The following ATP6V1B1 variants were observed in gnomAD, a reference collection of about 807,000 sequenced individuals.
ATP6V1B1 encodes V-type proton ATPase subunit B, kidney isoform.
A neutral mutation model predicts 62.1 loss-of-function variants in ATP6V1B1; 41 were observed. The observed-to-expected ratio is 0.66, with a 90% CI of 0.51 to 0.86. The LOEUF is 0.86. ATP6V1B1 is among the 40% of genes least tolerant of loss of function. ATP6V1B1 has a pLI of 0.00. For missense variants in ATP6V1B1, 651 were observed against 697.5 expected (o/e 0.93, Z 0.75); for synonymous variants, 253 against 273.4 (o/e 0.93, Z 0.74).
In ATP6V1B1 at chr2:70,961,586, G is replaced by C. The variant is rs1553420108; in HGVS notation, c.688-10G>C. 8.1e-6 allele frequency: 13 copies of C among 1,613,612 alleles called. No homozygotes were observed. Among genetic ancestry groups the C allele is most frequent in the Non-Finnish European group, 1.0e-5 (12 of 1,179,582 alleles). On this transcript the variant is annotated splice_polypyrimidine_tract_variant and intron_variant, in intron 7 of 13. Coordinates refer to ENST00000234396, the MANE Select transcript of ATP6V1B1 (RefSeq NM_001692.4). ...GGCCCTACCTCCAGCCCACCCTGCT[G>C]TGTATCCAGGTGAACATGGAGACAG...
At chr2:70,943,502 C>T in intron 1 of ATP6V1B1, 156 bp from the exon 2 acceptor site, 1 of 797,812 alleles carries the variant, frequency 1.3e-6, no homozygotes, top group East Asian at 2.7e-5. Context: ...ACCCTTACAG[C>T]AATGGTGGCT....
chr2:70,948,041 G>C (rs1022426489), intron 2 of ATP6V1B1, among the ~76,000 whole-genome samples: 1 of 152,080 alleles, frequency 6.6e-6, no homozygotes, highest in South Asian at 2.1e-4. Flanking sequence ...CTTCCTAAAG[G>C]TTCCAGACAC....
chr2:70,953,018 G>T (rs1680356750), intron 2 of ATP6V1B1, among the ~76,000 whole-genome samples: 1 of 152,138 alleles, frequency 6.6e-6, no homozygotes, highest in Non-Finnish European at 1.5e-5. Flanking sequence ...CTGTCACCCA[G>T]TGCAGTGGTG....
rs781913792 is a variant in ATP6V1B1 at position 70,959,906 on chromosome 2, C to T, written c.446-33C>T. 6.2e-7 allele frequency: 1 copy of T among 1,614,022 alleles called. No homozygotes were observed. Among genetic ancestry groups the T allele is most frequent in the Non-Finnish European group, 8.5e-7 (1 of 1,180,014 alleles). On this transcript the variant is annotated intron_variant, in intron 5 of 13. Coordinates refer to ENST00000234396, the MANE Select transcript of ATP6V1B1 (RefSeq NM_001692.4). This position sits in a 1 kb window ranked among gnomAD's most constrained non-coding sequence, Gnocchi z 4.2. ...AGGAGAGCAGGGAAGGGTTTGAACC[C>T]CTGAGCATGGCTCTGTGATCGCCCT...
intron 2 of ATP6V1B1, among the ~76,000 whole-genome samples, chr2:70,955,382 C>T (rs781953832): frequency 6.6e-6 from 1 of 152,136 alleles, no homozygotes; most frequent in Non-Finnish European, 1.5e-5. Context: ...AATTCAGTAG[C>T]TTTTAGTATA....
intron 2 of ATP6V1B1, among the ~76,000 whole-genome samples, chr2:70,945,821 G>C (rs1356838980): frequency 1.5e-4 from 22 of 148,054 alleles, no homozygotes; most frequent in Non-Finnish European, 3.0e-5. Context: ...TTTGTGCACA[G>C]ATTTTTCCCT....
chr2:70,956,413 G>A (rs1470072266), intron 2 of ATP6V1B1, among the ~76,000 whole-genome samples: 1 of 152,148 alleles, frequency 6.6e-6, no homozygotes, highest in Non-Finnish European at 1.5e-5. Flanking sequence ...AATGCTGAAT[G>A]ATATTCTATT....
At chr2:70,951,051 T>C (rs1391913667) in intron 2 of ATP6V1B1, among the ~76,000 whole-genome samples, 2 of 150,798 alleles carry the variant, frequency 1.3e-5, no homozygotes, top group African/African-American at 4.9e-5. Flanking sequence ...CAAGCGATTC[T>C]TCTGCCTCAG....
At chr2:70,942,425 G>T in intron 1 of ATP6V1B1, 1 of 398,680 alleles carries the variant, frequency 2.5e-6, no homozygotes, top group Non-Finnish European at 4.4e-6. Context: ...GATCTTCCTA[G>T]TCCAAGTCCT....
At chr2:70,948,893 C>T (rs1253433527) in intron 2 of ATP6V1B1, among the ~76,000 whole-genome samples, 2 of 152,158 alleles carry the variant, frequency 1.3e-5, no homozygotes, top group Admixed American at 1.3e-4. Context: ...CCTACTTGGT[C>T]ACACCTTGCT....
At chr2:70,944,306 A>C in intron 2 of ATP6V1B1, 1 of 1,079,014 alleles carries the variant, frequency 9.3e-7, no homozygotes, top group Non-Finnish European at 1.2e-6. Context: ...GCAGACACTG[A>C]CAGTATCTTG....
rs781969081 is a variant in ATP6V1B1 at position 70,964,442 on chromosome 2, AC to A, written c.1155del (p.Ile386SerfsTer10). The A allele has an allele frequency of 5.6e-6, 9 of 1,612,962 alleles. No homozygotes were observed. Among genetic ancestry groups the A allele is most frequent in the Admixed American group, 1.7e-5 (1 of 59,880 alleles). On this transcript the variant is annotated frameshift_variant, in exon 12 of 14. Transcript: ENST00000234396. LOFTEE classifies it high-confidence loss of function. The part of the protein sequence containing the change: ...VDRQLHNRQI[Y>X]PPINVLPSLS... ...TCCCTTTTTCTTCTCCCTCAGATCT[AC>A]CCCCCCATCAACGTGCTCCCTTCCC...
chr2:70,965,166 C>T lies in ATP6V1B1; in HGVS notation c.*45C>T, dbSNP rs371567410. 11 of 1,596,714 alleles carry T rather than the reference C, an allele frequency of 6.9e-6. No individual in the cohort carries two copies. In the African/African-American group the frequency reaches 1.1e-4, roughly 16 times the overall value. On this transcript the variant is annotated 3_prime_UTR_variant, in exon 14 of 14. Transcript: ENST00000234396. ...CCAACACCGGCAGGGAACCTACCCT[C>T]GGCTCCCGGGTCTCCCCTCCCTCGC...
chr2:70,950,464 G>GTTTTATGTT (rs1553418110), intron 2 of ATP6V1B1, among the ~76,000 whole-genome samples: 18 of 151,628 alleles, frequency 1.2e-4, no homozygotes, highest in Non-Finnish European at 2.5e-4. Context: ...CATTGTTTAG[G>GTTTTATGTT]ACTTGTTTTA....
Position 70,963,040 on chromosome 2 carries a change from G to A in ATP6V1B1, c.910-122G>A. The A allele has an allele frequency of 1.3e-6, 2 of 1,597,824 alleles. No homozygotes were observed. Among genetic ancestry groups the A allele is most frequent in the Non-Finnish European group, 1.7e-6 (2 of 1,171,044 alleles). ...CCATGAGTTCCAGGGCTTGGTCTCAGCCTGGCCATTCCTCCCCTGCCCCCC... is the reference window on the plus strand; with the variant it reads ...CCATGAGTTCCAGGGCTTGGTCTCAACCTGGCCATTCCTCCCCTGCCCCCC... On this transcript the variant is annotated intron_variant, in intron 9 of 13. Transcript: ENST00000234396. This position sits in a 1 kb window ranked among gnomAD's most constrained non-coding sequence, Gnocchi z 4.3.
intron 2 of ATP6V1B1, chr2:70,948,712 A>G (rs2266919): frequency 0.75 from 114,008 of 152,108 alleles, 43,103 homozygotes; most frequent in African/African-American, 0.84. Context: ...CTAGTGCTGA[A>G]GCCCCCACTC....
intron 1 of ATP6V1B1, among the ~76,000 whole-genome samples, chr2:70,939,015 C>A (rs937385779): frequency 1.3e-5 from 2 of 152,252 alleles, no homozygotes; most frequent in Non-Finnish European, 2.9e-5. Context: ...CAGCTTCCAG[C>A]CCCTGCCCTC....
chr2:70,965,103 G>T lies in ATP6V1B1; in HGVS notation c.1524G>T (p.Ala508=). Residue 508 remains alanine, a synonymous_variant, in exon 14 of 14, where the codon GCG becomes GCT. Transcript: ENST00000234396. ...GCGAGGGGGCGCTGCAGGACCTCGCGCCTGACACTGCGCTCTAGCCCCGCG... is the reference window on the plus strand; with the variant it reads ...GCGAGGGGGCGCTGCAGGACCTCGCTCCTGACACTGCGCTCTAGCCCCGCG... The part of the protein sequence containing the change: ...YSREGALQDL[A]PDTAL 1 of 1,611,136 alleles carries T rather than the reference G, an allele frequency of 6.2e-7. No homozygotes were observed.
chr2:70,945,701 GATATATATATATATATATATATATAT>G (rs35710919), intron 2 of ATP6V1B1, among the ~76,000 whole-genome samples: 90 of 83,026 alleles, frequency 1.1e-3, no homozygotes, highest in East Asian at 5.7e-3. Flanking sequence ...TATTTGAAGA[GATATATATATATATATATATATATAT>G]ATATATATAT....
Sources: gnomAD v4.1 joint callset for allele counts (sites outside exome capture counted in the v4.1 genomes callset) on GRCh38, gnomAD v4.1.1 for gene constraint, Gnocchi (gnomAD v3.1) non-coding constraint, MANE v1.5 for transcripts, NCBI Gene and HGNC (gene_info 2026-07-23, HGNC 2026-07-21) for gene names.